Variants in PKD1L1 observed in about 807,000 individuals in gnomAD.
The protein encoded by PKD1L1 is polycystin 1 like 1, transient receptor potential channel interacting.
A neutral mutation model predicts 323.4 loss-of-function variants in PKD1L1; 236 were observed. That is an observed-to-expected ratio of 0.73 (90% CI 0.66 to 0.81). The LOEUF is 0.81. PKD1L1 is among the 40% of genes least tolerant of loss of function. The pLI is 0.00. For synonymous variants in PKD1L1, 1,344 were observed against 1,335.0 expected (o/e 1.01, Z -0.15); for missense variants, 3,320 against 3,508.0 (o/e 0.95, Z 1.35).
chr7:47,938,414 C>A (rs1197052768), intron 3 of PKD1L1, among the ~76,000 whole-genome samples: 2 of 152,122 alleles, frequency 1.3e-5, no homozygotes, highest in African/African-American at 4.8e-5. Flanking sequence ...TAGATCCTGG[C>A]AGTTTCCTGA....
At chr7:47,804,199 C>T (rs1784725644) in intron 52 of PKD1L1, among the ~76,000 whole-genome samples, 1 of 152,332 alleles carries the variant, frequency 6.6e-6, no homozygotes, top group Admixed American at 6.5e-5. Flanking sequence ...CTGTGAGTGG[C>T]TGTCACCCCT....
Position 47,808,210 on chromosome 7 carries a change from T to C in PKD1L1, c.7827+37A>G, listed in dbSNP as rs1367848729. On this transcript the variant is annotated intron_variant, in intron 52 of 56. Transcript: ENST00000289672. ...GCCTTTTGGATGGCATCACAGTGCATGGCCTCTATCTGCATGGCCCTGAGC... is the reference window on the plus strand; with the variant it reads ...GCCTTTTGGATGGCATCACAGTGCACGGCCTCTATCTGCATGGCCCTGAGC... 2.5e-6 allele frequency: 4 copies of C among 1,609,964 alleles called. No homozygotes were observed. The Admixed American group carries it at 6.7e-5, about 27-fold the overall frequency.
intron 31 of PKD1L1, 30 bp downstream of exon 31, chr7:47,853,097 A>G (rs749095143): frequency 6.2e-6 from 9 of 1,440,620 alleles, no homozygotes; most frequent in Non-Finnish European, 8.8e-6. Context: ...TGTAAACAGA[A>G]AGGGAAAATA....
chr7:47,856,141 G>A (rs922577799), intron 28 of PKD1L1, among the ~76,000 whole-genome samples: 3 of 151,894 alleles, frequency 2.0e-5, no homozygotes, highest in East Asian at 2.0e-4. Flanking sequence ...AGGTTCAAGC[G>A]ATTCTCCTGC....
At chr7:47,803,420 C>T in intron 52 of PKD1L1, 76 bp from the exon 53 acceptor site, 2 of 1,535,722 alleles carry the variant, frequency 1.3e-6, no homozygotes, top group Non-Finnish European at 1.8e-6. Flanking sequence ...AGCTGTCAGT[C>T]ATGCATAAAG....
chr7:47,841,967 G>A (rs1331257425), intron 34 of PKD1L1, among the ~76,000 whole-genome samples: 4 of 152,174 alleles, frequency 2.6e-5, no homozygotes, highest in South Asian at 2.1e-4. Flanking sequence ...ACCTCATCCT[G>A]TACGAAGAAC....
intron 9 of PKD1L1, among the ~76,000 whole-genome samples, chr7:47,907,271 ATCC>A (rs1233256385): frequency 2.6e-5 from 4 of 152,106 alleles, no homozygotes; most frequent in Non-Finnish European, 5.9e-5. Context: ...CCTTCATTGG[ATCC>A]TCCTTTCTCC....
chr7:47,818,789 C>G (rs761418984), intron 46 of PKD1L1, among the ~76,000 whole-genome samples: 1 of 152,140 alleles, frequency 6.6e-6, no homozygotes, highest in Admixed American at 6.5e-5. Context: ...TTGATTGGTG[C>G]TTTATTTGCT....
At position 47,843,080 on chromosome 7, in the gene PKD1L1, T is replaced by A; in HGVS notation, c.5327A>T (p.His1776Leu). The change falls in exon 34 of 57, where the codon CAT (histidine) becomes CTT (leucine). Residue 1776 changes from histidine (H) to leucine (L), a missense_variant. His to Leu is a moderately conservative substitution (Grantham distance 99). Transcript: ENST00000289672. ...FLVAKSRQVDHHEKKKAGYIF... is the reference protein window; with the variant it reads ...FLVAKSRQVDLHEKKKAGYIF... ...GTAACCAGCTTTCTTTTTTTCATGA[T>A]GATCTACTTGTCTACTTTTAGCGAC... is the stretch of plus-strand genomic sequence containing the variant. The A allele has an allele frequency of 2.5e-6, 4 of 1,613,842 alleles. No individual in the cohort carries two copies. In the South Asian group the frequency reaches 4.4e-5, roughly 18 times the overall value.
chr7:47,931,563 A>G (rs1248196920), intron 5 of PKD1L1, among the ~76,000 whole-genome samples: 2 of 152,246 alleles, frequency 1.3e-5, no homozygotes, highest in Non-Finnish European at 2.9e-5. Context: ...TAGAACTATG[A>G]GGCATGTTTG....
chr7:47,795,955 A>T, intron 55 of PKD1L1, 34 bp downstream of exon 55: 1 of 1,597,288 alleles, frequency 6.3e-7, no homozygotes. Context: ...AGTGTGTGCT[A>T]TCATGCTCAG....
intron 24 of PKD1L1, among the ~76,000 whole-genome samples, chr7:47,868,196 C>T (rs1164798269): frequency 6.6e-6 from 1 of 151,868 alleles, no homozygotes; most frequent in African/African-American, 2.4e-5. Flanking sequence ...GGTGAAACCC[C>T]ATCTCTACTA....
At chr7:47,865,856 A>G (rs1786158267) in intron 25 of PKD1L1, among the ~76,000 whole-genome samples, 1 of 151,958 alleles carries the variant, frequency 6.6e-6, no homozygotes, top group Non-Finnish European at 1.5e-5. Context: ...TGGCCTCCCA[A>G]AGTGCTGGGA....
At chr7:47,861,336 G>A (rs1786017929) in intron 26 of PKD1L1, among the ~76,000 whole-genome samples, 1 of 152,166 alleles carries the variant, frequency 6.6e-6, no homozygotes, top group South Asian at 2.1e-4. Flanking sequence ...AATTTGTCTC[G>A]AACAAAATGA....
Position 47,834,974 on chromosome 7 carries a change from T to C in PKD1L1, c.6120A>G (p.Ala2040=). 6.2e-7 allele frequency: 1 copy of C among 1,613,358 alleles called. No homozygotes were observed. Among genetic ancestry groups the C allele is most frequent in the Admixed American group, 1.7e-5 (1 of 60,000 alleles). ...GTTTTAATGTACATTTACCATGGGG[T>C]GCCTCGGTCTGTGCTCCTCCTCTAA... is the stretch of plus-strand genomic sequence containing the variant. ...SPLRGGAQTE[A]PHGPNSWGRI... is the part of the protein sequence containing the mutation. Residue 2040 remains alanine, a synonymous_variant, in exon 39 of 57, where the codon GCA becomes GCG. Coordinates refer to ENST00000289672, the MANE Select transcript of PKD1L1 (RefSeq NM_138295.5).
intron 16 of PKD1L1, 126 bp from the exon 17 acceptor site, chr7:47,888,276 A>G (rs2128748240): frequency 1.1e-6 from 1 of 926,392 alleles, no homozygotes; most frequent in East Asian, 2.6e-5. Context: ...TTCAATAGCA[A>G]TGTCACAGCA....
intron 54 of PKD1L1, among the ~76,000 whole-genome samples, chr7:47,799,274 G>T (rs1327901495): frequency 1.3e-5 from 2 of 152,198 alleles, no homozygotes; most frequent in Non-Finnish European, 2.9e-5. Context: ...TGCATTCATG[G>T]ATGAGCAAGA....
chr7:47,834,879 A>G, intron 39 of PKD1L1, 88 bp downstream of exon 39: 1 of 1,128,256 alleles, frequency 8.9e-7, no homozygotes, highest in Non-Finnish European at 1.3e-6. Flanking sequence ...ATGCAAATTG[A>G]AAACAGAAGA....
chr7:47,921,448 T>C (rs1787536805), intron 7 of PKD1L1, among the ~76,000 whole-genome samples: 1 of 152,104 alleles, frequency 6.6e-6, no homozygotes, highest in Non-Finnish European at 1.5e-5. Flanking sequence ...GGTGGGAATG[T>C]AAACCACTAT....
Sources: allele counts gnomAD v4.1 joint callset (sites outside exome capture counted in the v4.1 genomes callset), GRCh38; gene constraint gnomAD v4.1.1; transcripts MANE v1.5; gene names NCBI Gene and HGNC (gene_info 2026-07-23, HGNC 2026-07-21).